The following COPA variants were observed in gnomAD, a reference collection of about 807,000 sequenced individuals.
COPA encodes the protein coat protein complex I subunit alpha.
COPA carries 10 observed loss-of-function variants against 158.7 expected under a neutral mutation model. The ratio of observed to expected loss-of-function variants is 0.06; its 90% CI spans 0.04 to 0.11. COPA has a LOEUF of 0.11. COPA is among the 10% of genes least tolerant of loss of function. COPA has a pLI of 1.00. For missense variants in COPA, 1,065 were observed against 1,536.7 expected (o/e 0.69, Z 5.13); for synonymous variants, 462 against 542.8 (o/e 0.85, Z 2.07).
chr1:160,310,901 G>T (rs2101843000), intron 11 of COPA, among the ~76,000 whole-genome samples: 1 of 152,036 alleles, frequency 6.6e-6, no homozygotes, highest in South Asian at 2.1e-4. Flanking sequence ...CCAAACAAAG[G>T]CGAAAAGTTC....
chr1:160,294,555 C>T lies in COPA; in HGVS notation c.2605G>A (p.Ala869Thr). The T allele has an allele frequency of 3.1e-6, 5 of 1,614,220 alleles. No homozygotes were observed. Among genetic ancestry groups the T allele is most frequent in the Non-Finnish European group, 4.2e-6 (5 of 1,180,032 alleles). ...VEATEGLGDD[A>T]LGKGQEEGGG... ...CCTTCTTCCTGTCCCTTGCCAAGAGCATCATCCCCCAAACCTTCTGTAGCC... is the reference window on the plus strand; with the variant it reads ...CCTTCTTCCTGTCCCTTGCCAAGAGTATCATCCCCCAAACCTTCTGTAGCC... The change falls in exon 25 of 33, where the codon GCT (alanine) becomes ACT (threonine). Residue 869 changes from alanine to threonine, a missense_variant. Coordinates refer to ENST00000241704, the MANE Select transcript of COPA (RefSeq NM_004371.4).
At chr1:160,322,989 GCACACA>G (rs112126446) in intron 8 of COPA, among the ~76,000 whole-genome samples, 20 of 145,320 alleles carry the variant, frequency 1.4e-4, no homozygotes, top group African/African-American at 2.8e-4. Flanking sequence ...ACGCGCACGT[GCACACA>G]CACACACACA....
Position 160,291,764 on chromosome 1 carries a change from G to C in COPA, c.3258+55C>G. The C allele has an allele frequency of 6.5e-6, 10 of 1,549,214 alleles. No homozygotes were observed. The South Asian group carries it at 1.1e-4, about 17-fold the overall frequency. The stretch of plus-strand genomic sequence containing the variant: ...TTTGAAATTAAAGAATTCAAACCTA[G>C]TGAAGGGTGAAGGGAAGGACGTCTC... On this transcript the variant is annotated intron_variant, in intron 30 of 32. Transcript: ENST00000241704.
At chr1:160,327,186 T>C (rs940711924) in intron 6 of COPA, among the ~76,000 whole-genome samples, 6 of 152,214 alleles carry the variant, frequency 3.9e-5, no homozygotes, top group Non-Finnish European at 7.3e-5. Context: ...CTAGCACTTG[T>C]AAATATTTTT....
intron 11 of COPA, among the ~76,000 whole-genome samples, chr1:160,311,013 A>G (rs1203690011): frequency 6.6e-6 from 1 of 152,212 alleles, no homozygotes; most frequent in Non-Finnish European, 1.5e-5. Flanking sequence ...GGTCACTAGC[A>G]TTCTCAAGAA....
At chr1:160,306,958 C>T (rs1470782579) in intron 14 of COPA, among the ~76,000 whole-genome samples, 5 of 152,190 alleles carry the variant, frequency 3.3e-5, no homozygotes, top group Non-Finnish European at 4.4e-5. Flanking sequence ...CCCAGAGCCA[C>T]GGCGATCATC....
intron 25 of COPA, 135 bp downstream of exon 25, chr1:160,294,348 TC>T (rs1363468167): frequency 1.4e-6 from 1 of 717,074 alleles, no homozygotes; most frequent in African/African-American, 1.8e-5. Flanking sequence ...CTAGTCCCCT[TC>T]CCAGAAGGGC....
intron 7 of COPA, among the ~76,000 whole-genome samples, chr1:160,324,597 C>T (rs564589636): frequency 6.6e-6 from 1 of 151,988 alleles, no homozygotes; most frequent in African/African-American, 2.4e-5. Context: ...TGCACCCAGC[C>T]TATTTATCTT....
intron 8 of COPA, among the ~76,000 whole-genome samples, chr1:160,314,357 G>A (rs899955437): frequency 1.3e-5 from 2 of 152,074 alleles, no homozygotes; most frequent in African/African-American, 4.8e-5. Context: ...GGCCAGACAT[G>A]GTGGCTCACA....
chr1:160,300,304 C>T (rs1348771394), intron 17 of COPA, among the ~76,000 whole-genome samples: 2 of 151,540 alleles, frequency 1.3e-5, no homozygotes, highest in Non-Finnish European at 2.9e-5. Flanking sequence ...CGTACCATTG[C>T]ACTCCAGCCT....
At chr1:160,339,742 C>T in intron 3 of COPA, 167 bp downstream of exon 3, 1 of 585,828 alleles carries the variant, frequency 1.7e-6, no homozygotes, top group Non-Finnish European at 3.0e-6. Flanking sequence ...GTGTCTGGTA[C>T]ACAGTAAGCA....
At chr1:160,291,263 G>C in intron 31 of COPA, 72 bp downstream of exon 31, 1 of 1,521,986 alleles carries the variant, frequency 6.6e-7, no homozygotes. Flanking sequence ...TCAGAGGCAA[G>C]GACCTTGGTC....
intron 8 of COPA, among the ~76,000 whole-genome samples, chr1:160,322,492 T>A (rs971638833): frequency 6.6e-6 from 1 of 152,114 alleles, no homozygotes; most frequent in African/African-American, 2.4e-5. Context: ...GAAGAAAACA[T>A]TGGGGAAATG....
chr1:160,325,881 G>C (rs747848041), intron 6 of COPA, among the ~76,000 whole-genome samples: 1 of 152,154 alleles, frequency 6.6e-6, no homozygotes, highest in Non-Finnish European at 1.5e-5. Context: ...TCCATTACTG[G>C]AATTTCTTTC....
intron 25 of COPA, 63 bp downstream of exon 25, chr1:160,294,421 A>C: frequency 7.1e-7 from 1 of 1,403,266 alleles, no homozygotes; most frequent in Non-Finnish European, 1.0e-6. Context: ...AGGGGACAAT[A>C]AGGCCTCTGG....
At chr1:160,326,520 C>A (rs183892872) in intron 6 of COPA, among the ~76,000 whole-genome samples, 118 of 152,196 alleles carry the variant, frequency 7.8e-4, no homozygotes, top group Non-Finnish European at 4.7e-4. Flanking sequence ...CATTGAGACC[C>A]TATCTCAAAA....
chr1:160,305,305 G>T, intron 17 of COPA, 128 bp downstream of exon 17: 1 of 857,250 alleles, frequency 1.2e-6, no homozygotes, highest in Non-Finnish European at 1.9e-6. Context: ...GATGCCCCTT[G>T]CACATATATG....
chr1:160,291,928 G>A lies in COPA; in HGVS notation c.3149C>T (p.Ala1050Val), dbSNP rs776431514. The change falls in exon 30 of 33, where the codon GCC becomes GTC. Residue 1050 changes from alanine to valine, a missense_variant and splice_region_variant. Physicochemically the swap from Ala to Val is moderately conservative, Grantham distance 64. Transcript: ENST00000241704. ...VVDNKQEIAE[A>V]QQLITICREY... ...ACGGCAAATGGTGATGAGCTGCTGGGCCTGTAGAGGGGGCAGAAGGTCAGG... is the reference window on the plus strand; with the variant it reads ...ACGGCAAATGGTGATGAGCTGCTGGACCTGTAGAGGGGGCAGAAGGTCAGG... 4 of 1,614,070 alleles carry A rather than the reference G, an allele frequency of 2.5e-6. No individual in the cohort carries two copies. The highest frequency in any genetic ancestry group is 1.3e-5 in the African/African-American group (1 of 74,912).
Position 160,288,974 on chromosome 1 carries a change from T to A in COPA, c.*1183A>T, listed in dbSNP as rs1459512016. Among the ~76,000 whole-genome samples the A allele has an allele frequency of 6.6e-6, 1 of 151,492 alleles. No homozygotes were observed. The highest frequency in any genetic ancestry group is 2.1e-4 in the South Asian group (1 of 4,826). On this transcript the variant is annotated 3_prime_UTR_variant, in exon 33 of 33. Transcript: ENST00000241704. Reference sequence around the variant, plus strand: ...TATGAAAAACATGTGCTTCTTTTTTTCTTTCTTTTTTTTTGAGATGGAGTC... The same window carrying A: ...TATGAAAAACATGTGCTTCTTTTTTACTTTCTTTTTTTTTGAGATGGAGTC...
Sources: allele counts gnomAD v4.1 joint callset (sites outside exome capture counted in the v4.1 genomes callset), GRCh38; gene constraint gnomAD v4.1.1; transcripts MANE v1.5; gene names NCBI Gene and HGNC (gene_info 2026-07-23, HGNC 2026-07-21).